The following POU2F1 variants were observed in gnomAD, a reference collection of about 807,000 sequenced individuals.
POU2F1 encodes the protein POU class 2 homeobox 1.
A neutral mutation model predicts 84.9 loss-of-function variants in POU2F1; 16 were observed. The ratio of observed to expected loss-of-function variants is 0.19; its 90% CI spans 0.13 to 0.29. POU2F1 has a LOEUF of 0.29. Among genes scored for constraint, POU2F1 ranks in the 10% least tolerant of loss-of-function variants. POU2F1 has a pLI of 1.00. For missense variants in POU2F1, 738 were observed against 942.6 expected (o/e 0.78, Z 2.84); for synonymous variants, 368 against 368.3 (o/e 1.00, Z 0.01).
chr1:167,394,184 T>A, intron 9 of POU2F1, among the ~76,000 whole-genome samples: 1 of 151,844 alleles, frequency 6.6e-6, no homozygotes, highest in Non-Finnish European at 1.5e-5. Context: ...CACACCCAAC[T>A]AATTTTTGTA....
chr1:167,304,728 G>A lies in POU2F1; in HGVS notation c.62-27742G>A, dbSNP rs1396940597. On this transcript the variant is annotated intron_variant, in intron 1 of 15. Coordinates refer to ENST00000367866, the MANE Select transcript of POU2F1 (RefSeq NM_002697.4). ...AATGTTTATGAAATATTTGTATATC[G>A]TAAACTATGTTGAAGTTCAAGTAAA... 1.0e-3 allele frequency among the ~76,000 whole-genome samples: 155 copies of A among 152,170 alleles called. 1 individual carries two copies. The highest frequency in any genetic ancestry group is 2.1e-4 in the South Asian group (1 of 4,824).
intron 3 of POU2F1, 129 bp downstream of exon 3, chr1:167,365,696 G>A: frequency 1.6e-6 from 1 of 618,486 alleles, no homozygotes; most frequent in Non-Finnish European, 2.6e-6. Context: ...TTGTGTAATT[G>A]TGTCATTCTA....
At chr1:167,323,555 A>G (rs994768155) in intron 1 of POU2F1, among the ~76,000 whole-genome samples, 3 of 152,172 alleles carry the variant, frequency 2.0e-5, no homozygotes, top group African/African-American at 7.2e-5. Flanking sequence ...TTGATGCACT[A>G]TCTGATTCCC....
intron 1 of POU2F1, among the ~76,000 whole-genome samples, chr1:167,225,339 C>G (rs537135679): frequency 2.0e-5 from 3 of 152,160 alleles, no homozygotes; most frequent in Middle Eastern, 3.4e-3. Flanking sequence ...TCCCAGTAGA[C>G]AAGGAAAAAA....
At chr1:167,275,911 A>G (rs1285118245) in intron 1 of POU2F1, among the ~76,000 whole-genome samples, 1 of 152,222 alleles carries the variant, frequency 6.6e-6, no homozygotes, top group African/African-American at 2.4e-5. Flanking sequence ...AGTACTTTAG[A>G]TGAGTCTTAT....
At chr1:167,366,634 T>A (rs546460092) in intron 3 of POU2F1, among the ~76,000 whole-genome samples, 1 of 152,194 alleles carries the variant, frequency 6.6e-6, no homozygotes. Flanking sequence ...TGGAACACTT[T>A]TGCTCAGGCA....
intron 1 of POU2F1, among the ~76,000 whole-genome samples, chr1:167,299,497 A>C (rs541125351): frequency 6.6e-6 from 1 of 152,280 alleles, no homozygotes. Flanking sequence ...TGTGATTAGT[A>C]ATACATTATG....
chr1:167,321,175 T>C (rs910067403), intron 1 of POU2F1, among the ~76,000 whole-genome samples: 3 of 152,214 alleles, frequency 2.0e-5, no homozygotes, highest in African/African-American at 7.2e-5. Flanking sequence ...ATCCATATAA[T>C]GAATAATGTA....
At chr1:167,272,390 CAAA>C (rs35666628) in intron 1 of POU2F1, among the ~76,000 whole-genome samples, 1 of 82,232 alleles carries the variant, frequency 1.2e-5, no homozygotes, top group Non-Finnish European at 2.5e-5. Context: ...ATTAGGATTT[CAAA>C]AAAAAAAAAA....
chr1:167,400,391 C>T (rs988377795), intron 12 of POU2F1, among the ~76,000 whole-genome samples: 4 of 152,114 alleles, frequency 2.6e-5, no homozygotes, highest in Non-Finnish European at 4.4e-5. Context: ...ACTCTGTAAC[C>T]ATGGGAGTAA....
chr1:167,266,911 C>T (rs776869794), intron 1 of POU2F1, among the ~76,000 whole-genome samples: 13 of 151,942 alleles, frequency 8.6e-5, no homozygotes, highest in African/African-American at 1.7e-4. Context: ...CGTGAGACAC[C>T]GCAAAATGTT....
intron 1 of POU2F1, among the ~76,000 whole-genome samples, chr1:167,302,721 A>C (rs2102572725): frequency 6.6e-6 from 1 of 152,328 alleles, no homozygotes. Context: ...AAATTTACAT[A>C]GTTTTCATTA....
chr1:167,349,129 T>C (rs1430080708), intron 2 of POU2F1, among the ~76,000 whole-genome samples: 1 of 152,146 alleles, frequency 6.6e-6, no homozygotes, highest in Non-Finnish European at 1.5e-5. Flanking sequence ...CGGTGTCTTC[T>C]ACTTTTGGTA....
intron 9 of POU2F1, among the ~76,000 whole-genome samples, chr1:167,390,437 T>C (rs1648317538): frequency 6.6e-6 from 1 of 152,188 alleles, no homozygotes; most frequent in Non-Finnish European, 1.5e-5. Context: ...GAGTAAAGAT[T>C]ACGGGGTGTA....
intron 1 of POU2F1, among the ~76,000 whole-genome samples, chr1:167,276,745 A>G (rs1236539344): frequency 6.6e-6 from 1 of 152,210 alleles, no homozygotes; most frequent in African/African-American, 2.4e-5. Context: ...GAAGTATTCA[A>G]TAAAAAATGA....
intron 1 of POU2F1, among the ~76,000 whole-genome samples, chr1:167,292,049 G>A (rs1459453482): frequency 1.3e-5 from 2 of 151,780 alleles, no homozygotes; most frequent in East Asian, 3.9e-4. Context: ...GTGTGTGTCT[G>A]TGTACACAAA....
chr1:167,397,690 C>T (rs547454821), intron 10 of POU2F1, among the ~76,000 whole-genome samples: 4 of 152,154 alleles, frequency 2.6e-5, no homozygotes, highest in African/African-American at 4.8e-5. Context: ...GGACCACAGG[C>T]GCACGCCACT....
intron 2 of POU2F1, among the ~76,000 whole-genome samples, chr1:167,333,632 A>T (rs1038475585): frequency 1.3e-5 from 2 of 152,134 alleles, no homozygotes; most frequent in African/African-American, 4.8e-5. Flanking sequence ...ATACCTCTTT[A>T]TGTGAAACTG....
chr1:167,366,140 T>C (rs1659672094), intron 3 of POU2F1, among the ~76,000 whole-genome samples: 1 of 152,172 alleles, frequency 6.6e-6, no homozygotes, highest in South Asian at 2.1e-4. Flanking sequence ...GCTTTAGCTA[T>C]AATGTAGAGG....
Sources: gnomAD v4.1 joint callset for allele counts (sites outside exome capture counted in the v4.1 genomes callset) on GRCh38, gnomAD v4.1.1 for gene constraint, MANE v1.5 for transcripts, NCBI Gene and HGNC (gene_info 2026-07-23, HGNC 2026-07-21) for gene names.